Variants in SPATA9 observed in about 807,000 individuals in gnomAD.
SPATA9 encodes spermatogenesis-associated protein 9.
In SPATA9, 27 loss-of-function variants were observed where a neutral mutation model predicts 25.5. The ratio of observed to expected loss-of-function variants is 1.06; its 90% CI spans 0.78 to 1.46. The LOEUF (loss-of-function observed/expected upper bound fraction) is 1.46. Among genes scored for constraint, SPATA9 ranks in the 40% most tolerant of loss-of-function variants. SPATA9 has a pLI of 0.00. For synonymous variants in SPATA9, 102 were observed against 105.7 expected, an observed-to-expected ratio of 0.97 and a Z score of 0.21; for missense variants, 282 against 297.5, an observed-to-expected ratio of 0.95 and a Z score of 0.38.
intron 3 of SPATA9, among the ~76,000 whole-genome samples, chr5:95,668,947 T>C (rs904813049): frequency 6.6e-5 from 10 of 152,290 alleles, no homozygotes; most frequent in Admixed American, 6.5e-5. Flanking sequence ...AGGGGAGTCA[T>C]AGGGGAAGTT....
intron 1 of SPATA9, among the ~76,000 whole-genome samples, chr5:95,693,221 C>T (rs1318268532): frequency 1.3e-5 from 2 of 152,166 alleles, no homozygotes; most frequent in Non-Finnish European, 2.9e-5. Context: ...TAGCTGTGAT[C>T]ACTGCTTCCA....
chr5:95,683,049 G>C (rs1753594345), upstream of SPATA9: 1 of 1,240,404 alleles, frequency 8.1e-7, no homozygotes, highest in Non-Finnish European at 1.0e-6. Flanking sequence ...AGAATCTTCT[G>C]ACATCACTCT....
the SPATA9 span, chr5:95,732,075 T>C: frequency 1.2e-6 from 2 of 1,613,974 alleles, no homozygotes; most frequent in African/African-American, 2.7e-5. Context: ...TCCACGACTG[T>C]CCCGTCTGGG....
At chr5:95,722,486 A>G in the SPATA9 span, among the ~76,000 whole-genome samples, 1 of 152,068 alleles carries the variant, frequency 6.6e-6, no homozygotes, top group South Asian at 2.1e-4. Flanking sequence ...GGTATTTTAT[A>G]ATGTAAAAGA....
chr5:95,670,381 A>G (rs1752256890), intron 3 of SPATA9: 1 of 152,200 alleles, frequency 6.6e-6, no homozygotes, highest in African/African-American at 2.4e-5. Flanking sequence ...TCAGCCATAT[A>G]ATAGAGAGTT....
chr5:95,664,314 CTG>C (rs1467622851), intron 3 of SPATA9, among the ~76,000 whole-genome samples: 1 of 152,186 alleles, frequency 6.6e-6, no homozygotes, highest in African/African-American at 2.4e-5. Context: ...CAATTACCAA[CTG>C]TGCACACTAG....
chr5:95,694,333 A>G (rs1193386930), intron 1 of SPATA9, among the ~76,000 whole-genome samples: 1 of 152,194 alleles, frequency 6.6e-6, no homozygotes, highest in African/African-American at 2.4e-5. Context: ...TAATCCCTTC[A>G]GCTATGGTCA....
At chr5:95,667,023 G>C (rs973269988) in intron 3 of SPATA9, among the ~76,000 whole-genome samples, 1 of 152,124 alleles carries the variant, frequency 6.6e-6, no homozygotes, top group Non-Finnish European at 1.5e-5. Context: ...GGCTTTCCTT[G>C]CATTCTCTCA....
At position 95,670,958 on chromosome 5, in the gene SPATA9, A is replaced by T. The variant is rs1389120860; in HGVS notation, c.378+4454T>A. The T allele has an allele frequency of 6.4e-6, 6 of 943,028 alleles. No homozygotes were observed. In the East Asian group the frequency reaches 3.5e-4, roughly 55 times the overall value. 58.4% of individuals were successfully genotyped at this position (943,028 alleles called of 1,614,324 possible). ...ACTGGCAATTCTGATTATCAACCCT[A>T]GCTACTGTATACTCCCCACGTAAAG... is the stretch of plus-strand genomic sequence containing the variant. On this transcript the variant is annotated intron_variant, in intron 3 of 4. Transcript: ENST00000274432.
upstream of SPATA9, among the ~76,000 whole-genome samples, chr5:95,699,983 T>C (rs1754136786): frequency 6.6e-6 from 1 of 152,130 alleles, no homozygotes; most frequent in Admixed American, 6.5e-5. Flanking sequence ...GACAGAAAGA[T>C]CTGGGGACTC....
chr5:95,652,900 G>T (rs1561386447), downstream of SPATA9: 1 of 577,604 alleles, frequency 1.7e-6, no homozygotes, highest in Non-Finnish European at 2.9e-6. Flanking sequence ...ATTCTCCACA[G>T]AGCCGGGAGC....
chr5:95,688,324 C>T (rs1182405077), intron 1 of SPATA9, among the ~76,000 whole-genome samples: 1 of 152,186 alleles, frequency 6.6e-6, no homozygotes, highest in Non-Finnish European at 1.5e-5. Flanking sequence ...GTGATCAAAA[C>T]TCACTGCAGC....
Position 95,691,170 on chromosome 5 carries a change from C to G in SPATA9, n.124+7418G>C, listed in dbSNP as rs560198270. 3.4e-3 allele frequency among the ~76,000 whole-genome samples: 515 copies of G among 149,750 alleles called. 3 individuals are homozygous for G. The highest frequency in any genetic ancestry group is 5.4e-3 in the Non-Finnish European group (363 of 67,826). ...GGGGGAGCTTGCAGTGAGCCGAGAT[C>G]GTGCCACTGCACTCCAGCCTGGGCG... On this transcript the variant is annotated intron_variant and non_coding_transcript_variant, in intron 1 of 2. Coordinates refer to the SPATA9 transcript ENST00000379990.
chr5:95,693,590 T>C (rs1473575484), intron 1 of SPATA9, among the ~76,000 whole-genome samples: 1 of 152,230 alleles, frequency 6.6e-6, no homozygotes, highest in Non-Finnish European at 1.5e-5. Context: ...AAAAACCATT[T>C]CTTTCATTAG....
intron 3 of SPATA9, among the ~76,000 whole-genome samples, chr5:95,673,103 C>T (rs975341829): frequency 5.9e-5 from 9 of 152,186 alleles, no homozygotes; most frequent in Non-Finnish European, 1.2e-4. Context: ...CTCTCTTTCT[C>T]CCTCTCTCTG....
intron 4 of SPATA9, among the ~76,000 whole-genome samples, chr5:95,662,042 G>A (rs1430193385): frequency 6.6e-6 from 1 of 152,132 alleles, no homozygotes; most frequent in African/African-American, 2.4e-5. Flanking sequence ...TAAAGCTCCT[G>A]TAATTAATAC....
chr5:95,670,945 G>T, intron 3 of SPATA9: 1 of 969,544 alleles, frequency 1.0e-6, no homozygotes, highest in Non-Finnish European at 1.2e-6. Context: ...TGGCAATTCT[G>T]ATTATCAACC....
chr5:95,703,835 A>C, the SPATA9 span, among the ~76,000 whole-genome samples: 1 of 73,816 alleles, frequency 1.4e-5, no homozygotes, highest in Non-Finnish European at 2.3e-5. Flanking sequence ...ATAGGCATTA[A>C]ATCATCAATT....
At chr5:95,673,752 C>CTTT (rs749425599) in intron 3 of SPATA9, among the ~76,000 whole-genome samples, 1 of 140,998 alleles carries the variant, frequency 7.1e-6, no homozygotes, top group African/African-American at 2.6e-5. Flanking sequence ...TTCTTTTTTT[C>CTTT]TTTTTTTTTT....
Sources: allele counts gnomAD v4.1 joint callset (sites outside exome capture counted in the v4.1 genomes callset), GRCh38; gene constraint gnomAD v4.1.1; transcripts MANE v1.5; gene names NCBI Gene and HGNC (gene_info 2026-07-23, HGNC 2026-07-21).